The following PACS1 variants were observed in gnomAD, a reference collection of about 807,000 sequenced individuals.
The protein encoded by PACS1 is phosphofurin acidic cluster sorting protein 1, also known as PACS-1.
PACS1 carries 24 observed loss-of-function variants against 115.0 expected under a neutral mutation model. That is an observed-to-expected ratio of 0.21 (90% CI 0.15 to 0.29). PACS1 has a LOEUF of 0.29. PACS1 is among the 10% of genes least tolerant of loss of function. PACS1 has a pLI of 1.00. For synonymous variants in PACS1, 453 were observed against 504.5 expected, an observed-to-expected ratio of 0.90 and a Z score of 1.37; for missense variants, 838 against 1,251.2, an observed-to-expected ratio of 0.67 and a Z score of 4.98.
intron 2 of PACS1, among the ~76,000 whole-genome samples, chr11:66,202,748 T>A (rs1271760026): frequency 0.47 from 12,560 of 26,640 alleles, 3,111 homozygotes; most frequent in South Asian, 0.56. Flanking sequence ...AAAAAATATA[T>A]ATATATATAT....
intron 1 of PACS1, among the ~76,000 whole-genome samples, chr11:66,110,642 G>A (rs1278190158): frequency 1.3e-5 from 2 of 151,952 alleles, no homozygotes; most frequent in African/African-American, 4.8e-5. Flanking sequence ...ATGCGATCTC[G>A]GCTCACTACT....
At chr11:66,130,239 G>A (rs1057082061) in intron 1 of PACS1, among the ~76,000 whole-genome samples, 7 of 152,068 alleles carry the variant, frequency 4.6e-5, no homozygotes, top group African/African-American at 7.2e-5. Context: ...ATAGTAGGCC[G>A]CATTTATACA....
At chr11:66,205,971 A>T (rs1274488148) in intron 2 of PACS1, among the ~76,000 whole-genome samples, 1 of 152,182 alleles carries the variant, frequency 6.6e-6, no homozygotes, top group Non-Finnish European at 1.5e-5. Flanking sequence ...GACATGGTCA[A>T]ACCCCATCTC....
chr11:66,093,079 G>A (rs1386444539), intron 1 of PACS1, among the ~76,000 whole-genome samples: 2 of 151,882 alleles, frequency 1.3e-5, no homozygotes, highest in African/African-American at 4.8e-5. Context: ...TGATGGGGAT[G>A]GCATTGAATC....
At chr11:66,220,079 A>C (rs1036518632) in intron 8 of PACS1, among the ~76,000 whole-genome samples, 3 of 152,130 alleles carry the variant, frequency 2.0e-5, no homozygotes, top group African/African-American at 7.2e-5. Flanking sequence ...ATACAGGGAC[A>C]GACCCAGCGG....
rs115974755 is a variant in PACS1 at position 66,170,148 on chromosome 11, T to A, written c.357-23338T>A. Among the ~76,000 whole-genome samples, 678 of 150,800 alleles carry A rather than the reference T, an allele frequency of 4.5e-3. 58 individuals are homozygous for A. Among genetic ancestry groups the A allele is most frequent in the African/African-American group, 0.016 (623 of 40,126 alleles). On this transcript the variant is annotated intron_variant, in intron 1 of 23. Coordinates refer to ENST00000320580, the MANE Select transcript of PACS1 (RefSeq NM_018026.4). ...TAGTGTAGTCTTATGAATCTTCGCT[T>A]AATCTGGAGTATGCTCCTTGAAAAA...
At chr11:66,161,936 A>G (rs889922998) in intron 1 of PACS1, among the ~76,000 whole-genome samples, 2 of 152,140 alleles carry the variant, frequency 1.3e-5, no homozygotes, top group African/African-American at 4.8e-5. Context: ...TTATTTTAGG[A>G]GCCCAACCTG....
chr11:66,071,581 T>A (rs780260095), intron 1 of PACS1, among the ~76,000 whole-genome samples: 1 of 152,206 alleles, frequency 6.6e-6, no homozygotes, highest in Non-Finnish European at 1.5e-5. Flanking sequence ...GGGAATATTT[T>A]CTGTTTTTGT....
Position 66,235,160 on chromosome 11 carries a change from A to G in PACS1, c.2105-141A>G, listed in dbSNP as rs1855680623. On this transcript the variant is annotated intron_variant, in intron 17 of 23. Coordinates refer to ENST00000320580, the MANE Select transcript of PACS1 (RefSeq NM_018026.4). The surrounding 1 kb of genome is among the most constrained non-coding windows in gnomAD (Gnocchi z 5.6). ...ATCCTTGGGCTCATGATTCCTTCAA[A>G]CCAGAAGGACCGTAGAGCCCCATCC... 1 of 622,442 alleles carries G rather than the reference A, an allele frequency of 1.6e-6. No individual in the cohort carries two copies. The highest frequency in any genetic ancestry group is 2.9e-5 in the Admixed American group (1 of 34,702). The allele number at this position is 622,442 out of a possible 1,614,324, so 38.6% of individuals were successfully genotyped here.
chr11:66,147,556 T>C (rs972148611), intron 1 of PACS1, among the ~76,000 whole-genome samples: 1 of 152,190 alleles, frequency 6.6e-6, no homozygotes, highest in Non-Finnish European at 1.5e-5. Context: ...TAAAGAATGC[T>C]AAAAATAGTA....
At chr11:66,215,496 A>AG (rs1449830354) in intron 4 of PACS1, among the ~76,000 whole-genome samples, 3 of 151,998 alleles carry the variant, frequency 2.0e-5, no homozygotes, top group African/African-American at 7.2e-5. Flanking sequence ...CCAGCTACTG[A>AG]GGCTGAGGCG....
At chr11:66,164,621 T>TA (rs1565130507) in intron 1 of PACS1, among the ~76,000 whole-genome samples, 3 of 97,864 alleles carry the variant, frequency 3.1e-5, no homozygotes, top group Admixed American at 1.9e-4. Flanking sequence ...ATATATGTAT[T>TA]TTTTTTTTGT....
rs386374027 is a variant in PACS1, at chr11:66,159,437, CA to C, written c.357-34037del. Among the ~76,000 whole-genome samples, 279 of 135,490 alleles carry C rather than the reference CA, an allele frequency of 2.1e-3. 2 individuals carry two copies. Among genetic ancestry groups the C allele is most frequent in the East Asian group, 0.016 (76 of 4,732 alleles). 88.9% of individuals were successfully genotyped at this position (135,490 alleles called of 152,430 possible). On this transcript the variant is annotated intron_variant, in intron 1 of 23. Coordinates refer to ENST00000320580, the MANE Select transcript of PACS1 (RefSeq NM_018026.4). The stretch of plus-strand genomic sequence containing the variant: ...GGGCAACAAGAGCAAAACTCAGTCT[CA>C]AAAAAAAAAAAGAAATATTGAGTCA...
At chr11:66,219,710 C>T (rs1365269723) in intron 7 of PACS1, 36 bp from the exon 8 acceptor site, 17 of 1,553,636 alleles carry the variant, frequency 1.1e-5, no homozygotes, top group Non-Finnish European at 1.4e-5. Context: ...CCCAAGTGGA[C>T]GTTGCTGAGA....
intron 10 of PACS1, among the ~76,000 whole-genome samples, chr11:66,223,426 T>G (rs1855402554): frequency 6.6e-6 from 1 of 151,700 alleles, no homozygotes; most frequent in African/African-American, 2.4e-5. Flanking sequence ...GGTCTCGCTG[T>G]ACTCCCCAGG....
chr11:66,225,133 A>G (rs1855445995), intron 10 of PACS1, among the ~76,000 whole-genome samples: 1 of 152,240 alleles, frequency 6.6e-6, no homozygotes, highest in Non-Finnish European at 1.5e-5. Context: ...CCACAGCACT[A>G]TAAATAATGG....
intron 1 of PACS1, among the ~76,000 whole-genome samples, chr11:66,127,988 A>G (rs1054066036): frequency 6.6e-6 from 1 of 152,228 alleles, no homozygotes; most frequent in Non-Finnish European, 1.5e-5. Flanking sequence ...GAAACATTGT[A>G]AATGGCTTTT....
At chr11:66,123,552 C>T (rs1325954412) in intron 1 of PACS1, among the ~76,000 whole-genome samples, 11 of 149,664 alleles carry the variant, frequency 7.3e-5, no homozygotes, top group African/African-American at 1.7e-4. Context: ...GACAGAGTTT[C>T]GCTCTGTCGC....
In PACS1 at chr11:66,159,036, C is replaced by A. The variant is rs544087687; in HGVS notation, c.357-34450C>A. ...GACCAGTTAACAATAGCACTGGGAT[C>A]TATAAGATAATAGATGAATGCCATC... On this transcript the variant is annotated intron_variant, in intron 1 of 23. Transcript: ENST00000320580. Among the ~76,000 whole-genome samples the A allele has an allele frequency of 3.9e-5, 6 of 152,292 alleles. No homozygotes were observed. The South Asian group carries it at 1.2e-3, about 32-fold the overall frequency.
Sources: gnomAD v4.1 joint callset for allele counts (sites outside exome capture counted in the v4.1 genomes callset) on GRCh38, gnomAD v4.1.1 for gene constraint, Gnocchi (gnomAD v3.1) non-coding constraint, MANE v1.5 for transcripts, NCBI Gene and HGNC (gene_info 2026-07-23, HGNC 2026-07-21) for gene names.